Variants in ANOS1 observed in about 807,000 individuals in gnomAD.
ANOS1 encodes the protein anosmin 1.
In ANOS1, 6 loss-of-function variants were observed where a neutral mutation model predicts 59.0. That is an observed-to-expected ratio of 0.10 (90% CI 0.06 to 0.20). ANOS1 has a LOEUF of 0.20. ANOS1 is among the 10% of genes least tolerant of loss of function. The pLI is 1.00. For missense variants in ANOS1, 433 were observed against 542.3 expected (o/e 0.80, Z 2.00); for synonymous variants, 217 against 223.4 (o/e 0.97, Z 0.25).
rs1569092176 is a variant in ANOS1, at chrX:8,725,607, CAGATATATATATATACAGATAT to C, written c.207+6201_207+6222del. Among the ~76,000 whole-genome samples the C allele has an allele frequency of 1.5e-3, 69 of 45,628 alleles. 7 individuals are homozygous for C. The highest frequency in any genetic ancestry group is 5.1e-3 in the East Asian group (6 of 1,166). 39.6% of individuals were successfully genotyped at this position (45,628 alleles called of 115,157 possible). A position where few individuals can be genotyped will look rare whatever the true frequency, so the allele number is the denominator to read the frequency against. On this transcript the variant is annotated intron_variant, in intron 1 of 13. Transcript: ENST00000262648. ...ATATATATATACAGATATATATATA[CAGATATATATATATACAGATAT>C]ATATATACAGATATATATACAGATA...
chrX:8,566,218 T>C (rs933050591), intron 8 of ANOS1: 1 of 748,263 alleles, frequency 1.3e-6, no homozygotes. Context: ...TCTGTCTGTA[T>C]GCAACACACA....
intron 1 of ANOS1, among the ~76,000 whole-genome samples, chrX:8,700,178 G>A (rs952821758): frequency 1.8e-5 from 2 of 112,008 alleles, no homozygotes; most frequent in African/African-American, 6.5e-5. Context: ...GTATTAGTCT[G>A]TTCTTACACT....
At chrX:8,593,934 G>C (rs958884583) in intron 4 of ANOS1, among the ~76,000 whole-genome samples, 11 of 111,750 alleles carry the variant, frequency 9.8e-5, no homozygotes, top group Non-Finnish European at 1.5e-4. Context: ...TGGGATTAAA[G>C]GGGTGAGCCA....
intron 2 of ANOS1, among the ~76,000 whole-genome samples, chrX:8,631,952 G>A (rs1363983340): frequency 8.9e-6 from 1 of 112,203 alleles, no homozygotes; most frequent in Non-Finnish European, 1.9e-5. Context: ...AGGGAAATGT[G>A]ACAATGATCA....
chrX:8,688,380 C>A (rs1245781006), intron 2 of ANOS1, among the ~76,000 whole-genome samples: 1 of 112,287 alleles, frequency 8.9e-6, no homozygotes, highest in East Asian at 2.8e-4. Flanking sequence ...TTCTGATGAA[C>A]ACATTACAAC....
At chrX:8,664,594 C>T (rs1273223700) in intron 2 of ANOS1, among the ~76,000 whole-genome samples, 2 of 111,002 alleles carry the variant, frequency 1.8e-5, no homozygotes, top group African/African-American at 3.3e-5. Context: ...CACACACACA[C>T]ATACACACAC....
At chrX:8,611,437 G>A in intron 3 of ANOS1, among the ~76,000 whole-genome samples, 1 of 109,633 alleles carries the variant, frequency 9.1e-6, no homozygotes, top group Non-Finnish European at 1.9e-5. Flanking sequence ...AAATAATATT[G>A]AACAATAAAT....
chrX:8,588,825 A>T (rs1194218080), intron 4 of ANOS1, among the ~76,000 whole-genome samples: 1 of 112,637 alleles, frequency 8.9e-6, no homozygotes, highest in Non-Finnish European at 1.9e-5. Flanking sequence ...AATTTGTAAT[A>T]CTAATAGAAT....
At position 8,629,273 on chromosome X, in the gene ANOS1, A is replaced by T. The variant is rs1288924551; in HGVS notation, c.256-5603T>A. Among the ~76,000 whole-genome samples, 4 of 111,164 alleles carry T rather than the reference A, an allele frequency of 3.6e-5. No individual in the cohort carries two copies. In the East Asian group the frequency reaches 1.1e-3, roughly 31 times the overall value. ...GAAAAAAAAATTTTAAAAAGGGCAC[A>T]ATTATTCTTACATTTTAGAGAGGAA... On this transcript the variant is annotated intron_variant, in intron 2 of 13. Transcript: ENST00000262648.
chrX:8,731,763 C>A (rs1178059278), intron 1 of ANOS1, 67 bp downstream of exon 1: 1 of 1,141,965 alleles, frequency 8.8e-7, no homozygotes, highest in African/African-American at 1.9e-5. Context: ...CTGGGAGGCG[C>A]GCGCCCCGGT....
Position 8,673,923 on chromosome X carries a change from C to T in ANOS1, c.255+25775G>A, listed in dbSNP as rs187533008. On this transcript the variant is annotated intron_variant, in intron 2 of 13. Transcript: ENST00000262648. ...TGTCTTCACACCTTTACAGGCAGGGCGACTTCAGCAAGAAGTAATTTACCA... is the reference window on the plus strand; with the variant it reads ...TGTCTTCACACCTTTACAGGCAGGGTGACTTCAGCAAGAAGTAATTTACCA... Among the ~76,000 whole-genome samples, 203 of 110,848 alleles carry T rather than the reference C, an allele frequency of 1.8e-3. 2 individuals are homozygous for T. The highest frequency in any genetic ancestry group is 6.2e-3 in the African/African-American group (190 of 30,491).
chrX:8,623,320 T>A (rs1015799963), intron 3 of ANOS1, among the ~76,000 whole-genome samples: 3 of 111,281 alleles, frequency 2.7e-5, no homozygotes, highest in Non-Finnish European at 5.7e-5. Context: ...AGCTATGATG[T>A]AAGGTGGGAG....
At chrX:8,725,571 C>CATATATACAGATATATATATACAGATAT (rs1433058931) in intron 1 of ANOS1, among the ~76,000 whole-genome samples, 1 of 9,880 alleles carries the variant, frequency 1.0e-4, no homozygotes, top group Non-Finnish European at 2.4e-4. Flanking sequence ...TACAGATATA[C>CATATATACAGATATATATATACAGATAT]ATATATACAG....
chrX:8,576,467 TACACAC>T (rs772802620), intron 6 of ANOS1, among the ~76,000 whole-genome samples: 4 of 100,055 alleles, frequency 4.0e-5, no homozygotes, highest in African/African-American at 1.5e-4. Flanking sequence ...TATATATATA[TACACAC>T]ACACACACAC....
rs184629763 is a variant in ANOS1, at chrX:8,658,650, T to C, written c.256-34980A>G. On this transcript the variant is annotated intron_variant, in intron 2 of 13. Transcript: ENST00000262648. ...AATTCGAATGGAATAATTGTAGCCA[T>C]GGAACAACCTCCTTGATGAAGATAT... Among the ~76,000 whole-genome samples the C allele has an allele frequency of 2.0e-3, 221 of 112,378 alleles. 1 individual carries two copies. The highest frequency in any genetic ancestry group is 6.7e-3 in the African/African-American group (207 of 30,915).
intron 2 of ANOS1, among the ~76,000 whole-genome samples, chrX:8,684,280 G>A (rs1379218857): frequency 9.0e-6 from 1 of 111,493 alleles, no homozygotes; most frequent in Non-Finnish European, 1.9e-5. Context: ...GTCATCAGGG[G>A]ACTTTTTGGT....
At chrX:8,569,913 C>A (rs1930196979) in intron 7 of ANOS1, among the ~76,000 whole-genome samples, 1 of 111,391 alleles carries the variant, frequency 9.0e-6, no homozygotes, top group South Asian at 3.7e-4. Flanking sequence ...ATACAAGATG[C>A]TTGTTATCAT....
intron 3 of ANOS1, among the ~76,000 whole-genome samples, chrX:8,619,070 C>CAAAAAAAAAAAAAAAAA (rs1164164251): frequency 2.5e-4 from 11 of 43,966 alleles, no homozygotes; most frequent in African/African-American, 5.0e-4. Flanking sequence ...AAACCTCTCT[C>CAAAAAAAAAAAAAAAAA]AAAAAAAAAA....
At chrX:8,541,443 A>C (rs868842489) in intron 9 of ANOS1, among the ~76,000 whole-genome samples, 3 of 99,719 alleles carry the variant, frequency 3.0e-5, no homozygotes, top group Middle Eastern at 0.01. Flanking sequence ...CAAAAAAATA[A>C]AACAAAAAAA....
Sources: allele counts gnomAD v4.1 joint callset (sites outside exome capture counted in the v4.1 genomes callset), GRCh38; gene constraint gnomAD v4.1.1; transcripts MANE v1.5; gene names NCBI Gene and HGNC (gene_info 2026-07-23, HGNC 2026-07-21).